Variants in KCNAB1 observed in about 807,000 individuals in gnomAD.
The protein encoded by KCNAB1 is voltage-gated potassium channel subunit beta-1.
A neutral mutation model predicts 64.6 loss-of-function variants in KCNAB1; 35 were observed. The ratio of observed to expected loss-of-function variants is 0.54; its 90% CI spans 0.41 to 0.72. The LOEUF (loss-of-function observed/expected upper bound fraction) is 0.72, where lower values mean the gene tolerates loss of function less well. KCNAB1 is among the 30% of genes least tolerant of loss of function. KCNAB1 has a pLI of 0.00. For missense variants in KCNAB1, 401 were observed against 512.9 expected (o/e 0.78, Z 2.11); for synonymous variants, 177 against 183.8 (o/e 0.96, Z 0.30).
intron 8 of KCNAB1, among the ~76,000 whole-genome samples, chr3:156,488,514 T>C (rs542561200): frequency 1.3e-5 from 2 of 152,140 alleles, no homozygotes; most frequent in South Asian, 4.2e-4. Context: ...AGGACATAGA[T>C]GTGGCTGCAG....
chr3:156,180,809 C>A (rs1229520090), intron 1 of KCNAB1, among the ~76,000 whole-genome samples: 2 of 152,070 alleles, frequency 1.3e-5, no homozygotes, highest in Non-Finnish European at 2.9e-5. Context: ...GGAGGGAGAA[C>A]AGAAATGTCA....
chr3:156,158,215 T>G (rs1369866935), intron 1 of KCNAB1, among the ~76,000 whole-genome samples: 2 of 146,428 alleles, frequency 1.4e-5, no homozygotes, highest in East Asian at 2.0e-4. Flanking sequence ...AATAAATAAA[T>G]AAATAAATGG....
intron 13 of KCNAB1, among the ~76,000 whole-genome samples, chr3:156,536,142 G>A (rs1719041526): frequency 6.6e-6 from 1 of 152,210 alleles, no homozygotes; most frequent in African/African-American, 2.4e-5. Flanking sequence ...GACCTGTGCT[G>A]TGTACTACTA....
At chr3:156,292,683 A>T (rs2107970748) in intron 1 of KCNAB1, among the ~76,000 whole-genome samples, 1 of 152,256 alleles carries the variant, frequency 6.6e-6, no homozygotes, top group African/African-American at 2.4e-5. Flanking sequence ...CTGGAATTAC[A>T]GGCACCTGCC....
chr3:156,292,190 A>G, intron 1 of KCNAB1: 5 of 1,568,242 alleles, frequency 3.2e-6, no homozygotes, highest in Non-Finnish European at 4.4e-6. Context: ...CAGTGGAGAC[A>G]GTCCATCGGT....
chr3:156,479,700 A>T (rs1714648083), intron 8 of KCNAB1, among the ~76,000 whole-genome samples: 1 of 152,168 alleles, frequency 6.6e-6, no homozygotes, highest in African/African-American at 2.4e-5. Context: ...CTTGTTGCCA[A>T]GACTGATTAT....
At chr3:156,230,886 T>C (rs1039376424) in intron 1 of KCNAB1, among the ~76,000 whole-genome samples, 2 of 152,248 alleles carry the variant, frequency 1.3e-5, no homozygotes, top group Admixed American at 6.5e-5. Flanking sequence ...TACAATTGTA[T>C]GCACACACTT....
At chr3:156,333,671 A>G (rs938728224) in intron 1 of KCNAB1, among the ~76,000 whole-genome samples, 4 of 152,200 alleles carry the variant, frequency 2.6e-5, no homozygotes, top group Admixed American at 1.3e-4. Context: ...GTCAAAATGA[A>G]TGTCCATTTT....
intron 1 of KCNAB1, among the ~76,000 whole-genome samples, chr3:156,132,953 G>A (rs1013265836): frequency 6.6e-6 from 1 of 152,094 alleles, no homozygotes; most frequent in Admixed American, 6.5e-5. Context: ...GAATTAATGA[G>A]GAATTTGGAG....
intron 8 of KCNAB1, 22 bp downstream of exon 8, chr3:156,474,842 A>C (rs953236889): frequency 1.9e-6 from 3 of 1,555,244 alleles, no homozygotes; most frequent in Non-Finnish European, 2.7e-6. Context: ...AAGCTAATAA[A>C]ATACTCTAGA....
intron 8 of KCNAB1, among the ~76,000 whole-genome samples, chr3:156,476,522 T>TACACAC (rs10542832): frequency 6.8e-6 from 1 of 147,462 alleles, no homozygotes; most frequent in African/African-American, 2.5e-5. Context: ...TATATATATA[T>TACACAC]ACACACACAC....
rs142378451 is a variant in KCNAB1, at chr3:156,180,211, A to G, written c.275+59325A>G. ...CTCATGCCAATCCTATAAAGTAGTT[A>G]TGGACATTTCCATTTTACAGATAAG... On this transcript the variant is annotated intron_variant, in intron 1 of 13. Coordinates refer to ENST00000490337, the MANE Select transcript of KCNAB1 (RefSeq NM_172160.3). Among the ~76,000 whole-genome samples, 474 of 152,352 alleles carry G rather than the reference A, an allele frequency of 3.1e-3. 2 individuals carry two copies. The highest frequency in any genetic ancestry group is 0.011 in the African/African-American group (443 of 41,586).
intron 1 of KCNAB1, among the ~76,000 whole-genome samples, chr3:156,370,370 G>A (rs1726222569): frequency 6.6e-6 from 1 of 152,202 alleles, no homozygotes; most frequent in African/African-American, 2.4e-5. Flanking sequence ...TGGTTGTAAA[G>A]TACAATCACT....
chr3:156,199,624 T>C (rs770758737), intron 1 of KCNAB1, among the ~76,000 whole-genome samples: 12 of 152,252 alleles, frequency 7.9e-5, no homozygotes, highest in Non-Finnish European at 1.2e-4. Context: ...TTGATACTTG[T>C]GTATGCTTCA....
intron 1 of KCNAB1, among the ~76,000 whole-genome samples, chr3:156,192,398 T>C (rs1021050820): frequency 6.6e-6 from 1 of 152,244 alleles, no homozygotes; most frequent in Non-Finnish European, 1.5e-5. Flanking sequence ...TTGAGACTTT[T>C]AAAATATAGC....
intron 1 of KCNAB1, among the ~76,000 whole-genome samples, chr3:156,134,453 C>G (rs1308195768): frequency 6.6e-6 from 1 of 152,170 alleles, no homozygotes; most frequent in Non-Finnish European, 1.5e-5. Flanking sequence ...AGAAAGAATA[C>G]ATGGTTTATG....
intron 8 of KCNAB1, among the ~76,000 whole-genome samples, chr3:156,488,451 A>T (rs1715372595): frequency 6.6e-6 from 1 of 152,086 alleles, no homozygotes; most frequent in African/African-American, 2.4e-5. Context: ...TGGCTGTAGA[A>T]ACAGTGCAAA....
intron 1 of KCNAB1, among the ~76,000 whole-genome samples, chr3:156,381,523 T>C (rs1576796545): frequency 1.3e-5 from 2 of 152,330 alleles, no homozygotes; most frequent in Non-Finnish European, 2.9e-5. Flanking sequence ...CATGGGTGTC[T>C]TCCAAGTGAA....
At chr3:156,247,296 T>C (rs973394426) in intron 1 of KCNAB1, among the ~76,000 whole-genome samples, 1 of 152,168 alleles carries the variant, frequency 6.6e-6, no homozygotes, top group South Asian at 2.1e-4. Context: ...AGGATAGCAA[T>C]TGGTACACAG....
Sources: allele counts gnomAD v4.1 joint callset (sites outside exome capture counted in the v4.1 genomes callset), GRCh38; gene constraint gnomAD v4.1.1; transcripts MANE v1.5; gene names NCBI Gene and HGNC (gene_info 2026-07-23, HGNC 2026-07-21).